TAF7L: variants seen among roughly 807,000 people sequenced by gnomAD.
The protein encoded by TAF7L is transcription initiation factor TFIID subunit 7-like.
A neutral mutation model predicts 30.2 loss-of-function variants in TAF7L; 6 were observed. The observed-to-expected ratio is 0.20, with a 90% CI of 0.11 to 0.39. The LOEUF (loss-of-function observed/expected upper bound fraction) is 0.39, where lower values mean the gene tolerates loss of function less well. TAF7L is among the 10% of genes least tolerant of loss of function. The probability of loss-of-function intolerance (pLI) is 1.00; values close to 1 mark genes in which losing one functional copy is unlikely to be tolerated. For synonymous variants in TAF7L, 93 were observed against 94.5 expected (o/e 0.98, Z 0.09); for missense variants, 284 against 277.1 (o/e 1.03, Z -0.18).
chrX:101,283,666 G>A (rs748949097), intron 3 of TAF7L, 83 bp from the exon 4 acceptor site: 83 of 1,037,507 alleles, frequency 8.0e-5, no homozygotes, highest in Non-Finnish European at 1.0e-4. Flanking sequence ...AGACTTATGT[G>A]GGACAGATTA....
Position 101,287,518 on chromosome X carries a change from G to A in TAF7L, c.26C>T (p.Pro9Leu), listed in dbSNP as rs1924644880. The A allele has an allele frequency of 8.3e-7, 1 of 1,209,216 alleles. No individual in the cohort carries two copies. Among genetic ancestry groups the A allele is most frequent in the Admixed American group, 2.2e-5 (1 of 45,877 alleles). The change falls in exon 2 of 13, where the codon CCT (proline) becomes CTT (leucine). Residue 9 changes from proline to leucine, a missense_variant. Physicochemically the swap from Pro to Leu is moderately conservative, Grantham distance 98. Transcript: ENST00000356784. MSESQDEVPDEVENQFILR... is the reference protein window; with the variant it reads MSESQDEVLDEVENQFILR... ...TATAAACTGGTTCTCAACTTCATCA[G>A]GAACTTCATCCTGGCTTTCACTCAT...
chrX:101,283,509 T>G lies in TAF7L; in HGVS notation c.220A>C (p.Ile74Leu). 8.3e-7 allele frequency: 1 copy of G among 1,211,739 alleles called. No individual in the cohort carries two copies. The highest frequency in any genetic ancestry group is 1.1e-6 in the Non-Finnish European group (1 of 895,262). The part of the protein sequence containing the change: ...AAKLVDLPCV[I>L]ESLRTLDKKT... ...TTATCAAGCGTTCTCAGGCTTTCAA[T>G]AACACAAGGCAAGTCAACCAGCTTA... The change falls in exon 4 of 13, where the codon ATT (isoleucine) becomes CTT (leucine). Residue 74 changes from isoleucine (I) to leucine (L), a missense_variant. Ile to Leu is a conservative substitution (Grantham distance 5). Coordinates refer to ENST00000356784, the MANE Select transcript of TAF7L (RefSeq NM_001168474.2).
rs368056727 is a variant in TAF7L, at chrX:101,277,451, C to CAA, written c.691+153_691+154dup. Among the ~76,000 whole-genome samples, 279 of 40,398 alleles carry CAA rather than the reference C, an allele frequency of 6.9e-3. 8 individuals are homozygous for CAA. The highest frequency in any genetic ancestry group is 0.027 in the African/African-American group (272 of 10,034). The allele number at this position is 40,398 out of a possible 115,157, so 35.1% of individuals were successfully genotyped here. ...TGGGCGACAGAGCAAGACTCCATCT[C>CAA]AAAAAAAAAAAAAAAAAAAGAGGGA... On this transcript the variant is annotated intron_variant, in intron 9 of 12. Coordinates refer to ENST00000356784, the MANE Select transcript of TAF7L (RefSeq NM_001168474.2).
rs1214905012 is a variant in TAF7L, at chrX:101,268,431, T to TAACA, written c.*758_*761dup. The TAACA allele has an allele frequency of 8.9e-6, 1 of 112,000 alleles. No individual in the cohort carries two copies. The highest frequency in any genetic ancestry group is 3.2e-5 in the African/African-American group (1 of 30,824). 9.2% of individuals were successfully genotyped at this position (112,000 alleles called of 1,213,427 possible). A position where few individuals can be genotyped will look rare whatever the true frequency, so the allele number is the denominator to read the frequency against. ...AGGAGGAGAAGGCTCAGAATAAGGA[T>TAACA]AACAGTTCATAATTTCTTCATCTCT... On this transcript the variant is annotated 3_prime_UTR_variant, in exon 13 of 13. Coordinates refer to ENST00000356784, the MANE Select transcript of TAF7L (RefSeq NM_001168474.2).
chrX:101,278,207 A>G (rs144453130), intron 7 of TAF7L, 86 bp from the exon 8 acceptor site: 20 of 700,785 alleles, frequency 2.9e-5, no homozygotes, highest in Admixed American at 1.7e-4. Context: ...CTACGTACCA[A>G]CGAATTCAAA....
chrX:101,274,733 A>G (rs1163666818), intron 12 of TAF7L, among the ~76,000 whole-genome samples: 2 of 111,202 alleles, frequency 1.8e-5, no homozygotes, highest in East Asian at 5.7e-4. Context: ...TGGGTACATA[A>G]TTGTCTTACT....
chrX:101,280,248 C>T (rs1924367662), intron 6 of TAF7L, among the ~76,000 whole-genome samples: 2 of 111,557 alleles, frequency 1.8e-5, no homozygotes, highest in South Asian at 7.6e-4. Context: ...TTGCAAACTA[C>T]ATATCTGATA....
chrX:101,288,852 A>C (rs1170094435), intron 1 of TAF7L, among the ~76,000 whole-genome samples: 1 of 111,557 alleles, frequency 9.0e-6, no homozygotes, highest in African/African-American at 3.3e-5. Context: ...TCTAATGAGC[A>C]CATCCATCAC....
At chrX:101,289,825 G>GT (rs1302391842) in intron 1 of TAF7L, among the ~76,000 whole-genome samples, 2 of 109,530 alleles carry the variant, frequency 1.8e-5, no homozygotes, top group Non-Finnish European at 3.8e-5. Context: ...CTGACCTCAG[G>GT]TGATCCACCC....
intron 1 of TAF7L, among the ~76,000 whole-genome samples, chrX:101,289,887 C>T (rs1924738104): frequency 9.1e-6 from 1 of 109,864 alleles, no homozygotes; most frequent in Admixed American, 9.6e-5. Context: ...CTGTGCCCAG[C>T]CAGGCCCACA....
intron 12 of TAF7L, among the ~76,000 whole-genome samples, chrX:101,269,824 T>C (rs187657590): frequency 1.8e-5 from 2 of 111,991 alleles, no homozygotes; most frequent in African/African-American, 3.2e-5. Context: ...AGCTTTAAAA[T>C]TGAATAGGCT....
rs1743994167 is a variant in TAF7L at position 101,277,587 on chromosome X, T to C, written c.691+19A>G. Reference sequence around the variant, plus strand: ...TACCTGCCCTATCTGAAACTCCTGCTTTGCCTTTACTAAAGTACCTGACGA... The same window carrying C: ...TACCTGCCCTATCTGAAACTCCTGCCTTGCCTTTACTAAAGTACCTGACGA... On this transcript the variant is annotated intron_variant, in intron 9 of 12. Transcript: ENST00000356784. The C allele has an allele frequency of 9.3e-7, 1 of 1,076,948 alleles. No individual in the cohort carries two copies. The highest frequency in any genetic ancestry group is 1.3e-6 in the Non-Finnish European group (1 of 797,686). 88.8% of individuals were successfully genotyped at this position (1,076,948 alleles called of 1,213,427 possible). A position where few individuals can be genotyped will look rare whatever the true frequency, so the allele number is the denominator to read the frequency against.
intron 3 of TAF7L, among the ~76,000 whole-genome samples, chrX:101,286,192 A>AAAAAG (rs1351179470): frequency 1.0e-3 from 108 of 106,283 alleles, no homozygotes; most frequent in African/African-American, 3.5e-3. Context: ...AAAAAAAAAA[A>AAAAAG]AAAGAAAGAA....
intron 1 of TAF7L, chrX:101,287,798 G>A: frequency 3.6e-6 from 1 of 280,995 alleles, no homozygotes; most frequent in Non-Finnish European, 6.3e-6. Context: ...GTAATTTGAT[G>A]AACAAATGAA....
At chrX:101,290,110 T>C (rs146988499) in intron 1 of TAF7L, among the ~76,000 whole-genome samples, 2,240 of 109,475 alleles carry the variant, frequency 0.02, 72 homozygotes, top group African/African-American at 0.071. Flanking sequence ...GGCAGGAGAA[T>C]TGCTTGAACC....
chrX:101,272,225 G>A (rs1923987895), intron 12 of TAF7L, among the ~76,000 whole-genome samples: 1 of 111,478 alleles, frequency 9.0e-6, no homozygotes, highest in African/African-American at 3.3e-5. Flanking sequence ...TACAGTTGTC[G>A]TTCAAGTTAG....
At position 101,275,952 on chromosome X, in the gene TAF7L, T is replaced by C. The variant is rs1234205665; in HGVS notation, c.1026+48A>G. 5.4e-6 allele frequency: 5 copies of C among 917,593 alleles called. No individual in the cohort carries two copies. In the South Asian group the frequency reaches 1.2e-4, roughly 21 times the overall value. 75.6% of individuals were successfully genotyped at this position (917,593 alleles called of 1,213,427 possible). A position where few individuals can be genotyped will look rare whatever the true frequency, so the allele number is the denominator to read the frequency against. On this transcript the variant is annotated intron_variant, in intron 11 of 12. Transcript: ENST00000356784. ...CATAAGTGGAAACACAAAGGCAAGA[T>C]ACTGAAAGTAAGATATCAGGATTTC...
At chrX:101,280,391 C>A (rs1361922290) in intron 6 of TAF7L, among the ~76,000 whole-genome samples, 1 of 111,795 alleles carries the variant, frequency 8.9e-6, no homozygotes, top group Non-Finnish European at 1.9e-5. Context: ...GATGCTCAAC[C>A]CCGTTAACCA....
At chrX:101,280,673 T>A (rs967802673) in intron 6 of TAF7L, among the ~76,000 whole-genome samples, 3 of 112,006 alleles carry the variant, frequency 2.7e-5, no homozygotes, top group African/African-American at 9.7e-5. Context: ...CAAAAACCTG[T>A]TCACAGCTTT....
Sources: gnomAD v4.1 joint callset for allele counts (sites outside exome capture counted in the v4.1 genomes callset) on GRCh38, gnomAD v4.1.1 for gene constraint, MANE v1.5 for transcripts, NCBI Gene and HGNC (gene_info 2026-07-23, HGNC 2026-07-21) for gene names.